TAFA1: variants seen among roughly 807,000 people sequenced by gnomAD.
TAFA1 encodes chemokine-like protein TAFA-1.
TAFA1 carries 4 observed loss-of-function variants against 18.5 expected under a neutral mutation model. That is an observed-to-expected ratio of 0.22 (90% CI 0.11 to 0.49). The LOEUF (loss-of-function observed/expected upper bound fraction) is 0.49, where lower values mean the gene tolerates loss of function less well. Among genes scored for constraint, TAFA1 ranks in the 20% least tolerant of loss-of-function variants. The pLI, the probability that TAFA1 is intolerant of heterozygous loss-of-function variation, is 0.98. For missense variants in TAFA1, 147 were observed against 169.0 expected (o/e 0.87, Z 0.72); for synonymous variants, 56 against 55.2 (o/e 1.01, Z -0.06).
At chr3:68,154,285 C>A (rs1217399793) in intron 2 of TAFA1, among the ~76,000 whole-genome samples, 3 of 152,148 alleles carry the variant, frequency 2.0e-5, no homozygotes, top group Non-Finnish European at 4.4e-5. Flanking sequence ...TTGTCTACAT[C>A]ACTTTTTCCC....
intron 2 of TAFA1, among the ~76,000 whole-genome samples, chr3:68,255,601 A>G (rs2067282430): frequency 6.6e-6 from 1 of 152,114 alleles, no homozygotes; most frequent in Non-Finnish European, 1.5e-5. Context: ...GCCAGGGTCA[A>G]TGGCCACAGC....
chr3:68,065,625 T>C (rs1441554261), intron 2 of TAFA1, among the ~76,000 whole-genome samples: 1 of 151,870 alleles, frequency 6.6e-6, no homozygotes. Flanking sequence ...AGAGTACAAA[T>C]TGTGAGTGGA....
At chr3:68,390,912 C>G (rs1305059815) in intron 2 of TAFA1, among the ~76,000 whole-genome samples, 2 of 152,130 alleles carry the variant, frequency 1.3e-5, no homozygotes, top group Non-Finnish European at 2.9e-5. Flanking sequence ...AAAAGCAGCA[C>G]AAAAAGGCTG....
At chr3:68,343,501 A>C (rs1424760137) in intron 2 of TAFA1, among the ~76,000 whole-genome samples, 1 of 152,184 alleles carries the variant, frequency 6.6e-6, no homozygotes, top group East Asian at 1.9e-4. Flanking sequence ...AAAGATAATA[A>C]AGTACAGATT....
At chr3:68,290,359 A>G (rs972091800) in intron 2 of TAFA1, among the ~76,000 whole-genome samples, 2 of 152,156 alleles carry the variant, frequency 1.3e-5, no homozygotes, top group Admixed American at 6.5e-5. Context: ...CCCTTAAAAT[A>G]CACAAACAGT....
At chr3:68,234,041 G>A (rs2066900434) in intron 2 of TAFA1, among the ~76,000 whole-genome samples, 1 of 152,196 alleles carries the variant, frequency 6.6e-6, no homozygotes, top group Non-Finnish European at 1.5e-5. Flanking sequence ...TCACTGCTGA[G>A]TCTCGCTTTG....
At chr3:68,521,824 A>G (rs562758320) in intron 3 of TAFA1, among the ~76,000 whole-genome samples, 5 of 147,158 alleles carry the variant, frequency 3.4e-5, no homozygotes, top group African/African-American at 1.0e-4. Flanking sequence ...AGAAACATAG[A>G]AGTGAGTCTG....
At chr3:68,417,256 T>A (rs775441659) in intron 2 of TAFA1, 24 bp from the exon 3 acceptor site, 4 of 1,609,784 alleles carry the variant, frequency 2.5e-6, no homozygotes, top group Non-Finnish European at 3.4e-6. Flanking sequence ...CTAATCAGTG[T>A]CCCTGTTCTT....
At chr3:68,286,893 G>A (rs746657490) in intron 2 of TAFA1, among the ~76,000 whole-genome samples, 3 of 152,218 alleles carry the variant, frequency 2.0e-5, no homozygotes, top group Admixed American at 1.3e-4. Context: ...CAACAGGACA[G>A]CCAGGCCCCC....
At chr3:68,172,938 T>G (rs567162579) in intron 2 of TAFA1, among the ~76,000 whole-genome samples, 39 of 152,208 alleles carry the variant, frequency 2.6e-4, no homozygotes, top group African/African-American at 8.9e-4. Context: ...TGTTCTAAAA[T>G]TACATATTAG....
chr3:68,175,363 C>G (rs2066110157), intron 2 of TAFA1, among the ~76,000 whole-genome samples: 1 of 152,212 alleles, frequency 6.6e-6, no homozygotes. Context: ...CCTGGAAAAG[C>G]CTCAGACACT....
chr3:68,124,001 G>C (rs148265110), intron 2 of TAFA1, among the ~76,000 whole-genome samples: 19 of 149,776 alleles, frequency 1.3e-4, no homozygotes, highest in African/African-American at 4.7e-4. Flanking sequence ...CCTCAGGTCA[G>C]ACCATTGGAC....
intron 3 of TAFA1, among the ~76,000 whole-genome samples, chr3:68,536,639 A>G (rs983040897): frequency 1.3e-5 from 2 of 152,192 alleles, no homozygotes; most frequent in Non-Finnish European, 2.9e-5. Context: ...TCATTTTTCA[A>G]TTAAGGCATT....
intron 3 of TAFA1, among the ~76,000 whole-genome samples, chr3:68,507,799 C>T (rs1234884871): frequency 6.6e-6 from 1 of 152,060 alleles, no homozygotes; most frequent in African/African-American, 2.4e-5. Flanking sequence ...ACCGCACAAC[C>T]CCTATTGTGC....
chr3:68,108,423 G>A (rs543294316), intron 2 of TAFA1, among the ~76,000 whole-genome samples: 9 of 145,844 alleles, frequency 6.2e-5, no homozygotes, highest in African/African-American at 1.8e-4. Flanking sequence ...TAGGAAAGAT[G>A]TTTTATTTGA....
chr3:68,006,742 C>T lies in TAFA1; in HGVS notation c.116C>T (p.Pro39Leu). 6.2e-7 allele frequency: 1 copy of T among 1,608,786 alleles called. No individual in the cohort carries two copies. The highest frequency in any genetic ancestry group is 8.5e-7 in the Non-Finnish European group (1 of 1,175,096). Residue 39 changes from proline (P) to leucine (L), a missense_variant and splice_region_variant, in exon 2 of 5, where the codon CCA becomes CTA. Transcript: ENST00000478136. ...HTFQQHHLHRPEGGTCEVIAA... is the reference protein window; with the variant it reads ...HTFQQHHLHRLEGGTCEVIAA... ...TTCCAGCAGCATCACCTGCACAGAC[C>T]AGGTAAGTCAGGAGCTGGCTCCACT... is the stretch of plus-strand genomic sequence containing the variant.
At chr3:68,159,501 A>G (rs1171273866) in intron 2 of TAFA1, among the ~76,000 whole-genome samples, 1 of 152,160 alleles carries the variant, frequency 6.6e-6, no homozygotes, top group Non-Finnish European at 1.5e-5. Flanking sequence ...AAAGAGAATG[A>G]ATTACTATTT....
At chr3:68,530,308 A>G (rs1209716232) in intron 3 of TAFA1, among the ~76,000 whole-genome samples, 1 of 152,212 alleles carries the variant, frequency 6.6e-6, no homozygotes, top group African/African-American at 2.4e-5. Flanking sequence ...ATAATGAAAA[A>G]CAGATTTCTG....
intron 2 of TAFA1, among the ~76,000 whole-genome samples, chr3:68,393,406 G>C (rs575425263): frequency 1.3e-5 from 2 of 149,976 alleles, no homozygotes; most frequent in Non-Finnish European, 3.0e-5. Flanking sequence ...GGATTAGATG[G>C]ATTCATAGCC....
Sources: allele counts gnomAD v4.1 joint callset (sites outside exome capture counted in the v4.1 genomes callset), GRCh38; gene constraint gnomAD v4.1.1; transcripts MANE v1.5; gene names NCBI Gene and HGNC (gene_info 2026-07-23, HGNC 2026-07-21).